Variants in KCTD1 observed in about 807,000 individuals in gnomAD.
The protein encoded by KCTD1 is potassium channel tetramerization domain containing 1.
In KCTD1, 24 loss-of-function variants were observed where a neutral mutation model predicts 66.0. That is an observed-to-expected ratio of 0.36 (90% CI 0.26 to 0.51). The LOEUF (loss-of-function observed/expected upper bound fraction) is 0.51. KCTD1 is among the 20% of genes least tolerant of loss of function. KCTD1 has a pLI of 0.95. For missense variants in KCTD1, 943 were observed against 1,205.2 expected (o/e 0.78, Z 3.22); for synonymous variants, 511 against 517.2 (o/e 0.99, Z 0.16).
intron 3 of KCTD1, among the ~76,000 whole-genome samples, chr18:26,472,168 G>T (rs1981103649): frequency 6.6e-6 from 1 of 152,026 alleles, no homozygotes. Flanking sequence ...TCATTTTTGG[G>T]CATCTAAAGT....
intron 1 of KCTD1, among the ~76,000 whole-genome samples, chr18:26,605,937 C>G (rs1237647287): frequency 2.0e-5 from 3 of 152,118 alleles, no homozygotes; most frequent in Non-Finnish European, 4.4e-5. Context: ...TCAAGAAGTC[C>G]TGACAACATG....
At chr18:26,557,393 A>C (rs966762568) in intron 1 of KCTD1, among the ~76,000 whole-genome samples, 2 of 152,216 alleles carry the variant, frequency 1.3e-5, no homozygotes, top group Non-Finnish European at 2.9e-5. Context: ...ACCATGCTTT[A>C]GTGGTCAACA....
upstream of KCTD1, among the ~76,000 whole-genome samples, chr18:26,553,216 C>T (rs950153578): frequency 6.6e-6 from 1 of 152,082 alleles, no homozygotes; most frequent in Admixed American, 6.5e-5. Context: ...TCTTGAGCTC[C>T]TGGTCTCAAG....
At chr18:26,629,588 G>A (rs574828905), upstream of KCTD1, among the ~76,000 whole-genome samples, 12 of 152,160 alleles carry the variant, frequency 7.9e-5, no homozygotes, top group Non-Finnish European at 1.5e-4. Context: ...TGGACCCTGC[G>A]AAAGGGACAT....
intron 1 of KCTD1, among the ~76,000 whole-genome samples, chr18:26,527,029 GTTTT>G (rs754533195): frequency 1.6e-4 from 24 of 152,116 alleles, no homozygotes; most frequent in Middle Eastern, 3.2e-3. Context: ...CAAACTACCT[GTTTT>G]TAACTTCCCT....
Position 26,547,958 on chromosome 18 carries a change from G to A in KCTD1, c.579C>T (p.Ser193=). 6.5e-7 allele frequency: 1 copy of A among 1,541,988 alleles called. No individual in the cohort carries two copies. The highest frequency in any genetic ancestry group is 8.7e-7 in the Non-Finnish European group (1 of 1,146,344). Residue 193 remains serine (S), a synonymous_variant, in exon 1 of 5, where the codon AGC becomes AGT. Transcript: ENST00000580059. The part of the protein sequence containing the change: ...FREYLSEKAQ[S]PDFETMDKGA... ...CCTTGTCCATGGTCTCGAAGTCCGG[G>A]CTCTGCGCCTTCTCGCTCAGGTACT...
chr18:26,619,250 T>C (rs1490329888), intron 1 of KCTD1, among the ~76,000 whole-genome samples: 3 of 152,364 alleles, frequency 2.0e-5, no homozygotes, highest in Non-Finnish European at 4.4e-5. Context: ...TACTTCCTGC[T>C]ACAGTGTGTC....
In KCTD1 at chr18:26,532,261, C is replaced by CTTTCTTTTTTTTTTTTTTTT. The variant is rs1394278500; in HGVS notation, c.1809+14466_1809+14467insAAAAAAAAAAAAAAAAGAAA. On this transcript the variant is annotated intron_variant, in intron 1 of 4. Coordinates refer to ENST00000580059, the MANE Select transcript of KCTD1 (RefSeq NM_001142730.3). The stretch of plus-strand genomic sequence containing the variant: ...CTTTTTCTTTTTCTTTTCTTTCCTT[C>CTTTCTTTTTTTTTTTTTTTT]TTTTTTTTTTTTTTTTTTTTTTTTT... Among the ~76,000 whole-genome samples the CTTTCTTTTTTTTTTTTTTTT allele has an allele frequency of 1.7e-4, 5 of 29,558 alleles. 1 individual carries two copies. The highest frequency in any genetic ancestry group is 3.2e-4 in the African/African-American group (5 of 15,388). The allele number at this position is 29,558 out of a possible 152,430, so 19.4% of individuals were successfully genotyped here.
chr18:26,480,932 A>C (rs1981615278), intron 2 of KCTD1, among the ~76,000 whole-genome samples: 1 of 152,206 alleles, frequency 6.6e-6, no homozygotes, highest in Non-Finnish European at 1.5e-5. Flanking sequence ...GAATGGTCTT[A>C]AGTCAAAGAG....
At chr18:26,633,975 C>A (rs77279998), upstream of KCTD1, among the ~76,000 whole-genome samples, 900 of 152,216 alleles carry the variant, frequency 5.9e-3, 24 homozygotes, top group East Asian at 0.1. Context: ...TACAACGGAC[C>A]ACTCAGCAAT....
chr18:26,623,716 C>T (rs1023515442), intron 1 of KCTD1, among the ~76,000 whole-genome samples: 3 of 152,076 alleles, frequency 2.0e-5, no homozygotes, highest in Non-Finnish European at 4.4e-5. Flanking sequence ...AAATTGGTAC[C>T]AGTAGAGTGG....
At chr18:26,533,357 T>G (rs776886375) in intron 1 of KCTD1, among the ~76,000 whole-genome samples, 2 of 152,236 alleles carry the variant, frequency 1.3e-5, no homozygotes, top group Non-Finnish European at 2.9e-5. Flanking sequence ...GTATTTTATT[T>G]CAGTCAAGTA....
chr18:26,657,416 CCCTTTTCCGATTTCTCTCCCA>C (rs1401408107), upstream of KCTD1: 1 of 985,166 alleles, frequency 1.0e-6, no homozygotes, highest in Non-Finnish European at 1.2e-6. Flanking sequence ...TTCCTCTCCC[CCCTTTTCCGATTTCTCTCCCA>C]GCGATCTGCT....
chr18:26,652,270 G>A (rs1485034711), intron 1 of KCTD1, among the ~76,000 whole-genome samples: 1 of 152,176 alleles, frequency 6.6e-6, no homozygotes, highest in East Asian at 1.9e-4. Flanking sequence ...TAGAGAAAAA[G>A]GAATAGGCCA....
chr18:26,457,962 TC>T (rs2144526009), intron 4 of KCTD1: 1 of 152,396 alleles, frequency 6.6e-6, no homozygotes, highest in African/African-American at 2.4e-5. Context: ...GGCCTTCCTG[TC>T]CTGGCTCTGA....
chr18:26,486,469 G>A (rs944720355), intron 2 of KCTD1, among the ~76,000 whole-genome samples: 1 of 152,176 alleles, frequency 6.6e-6, no homozygotes, highest in African/African-American at 2.4e-5. Flanking sequence ...GTTACAGAAC[G>A]AACTCTTTTG....
chr18:26,563,878 T>A lies in KCTD1; in HGVS notation c.-15-62628A>T, dbSNP rs6650685. Among the ~76,000 whole-genome samples the A allele has an allele frequency of 1.8e-3, 272 of 152,300 alleles. 6 individuals carry two copies. The highest frequency in any genetic ancestry group is 6.2e-3 in the African/African-American group (259 of 41,564). On this transcript the variant is annotated intron_variant, in intron 1 of 4. Transcript: ENST00000317932. ...AACCACTGAATTGTGAGTCTTCCAGTCTTAGCTCAAGTCCTCTGAGGCACC... is the reference window on the plus strand; with the variant it reads ...AACCACTGAATTGTGAGTCTTCCAGACTTAGCTCAAGTCCTCTGAGGCACC...
At chr18:26,539,505 TTAA>T (rs751250223) in intron 1 of KCTD1, among the ~76,000 whole-genome samples, 23 of 152,314 alleles carry the variant, frequency 1.5e-4, no homozygotes, top group Non-Finnish European at 2.1e-4. Flanking sequence ...TTCATTATTA[TTAA>T]TGTTAATGAT....
At chr18:26,617,603 T>G (rs982218624) in intron 1 of KCTD1, among the ~76,000 whole-genome samples, 9 of 152,200 alleles carry the variant, frequency 5.9e-5, no homozygotes, top group African/African-American at 2.2e-4. Context: ...CCAACAATAT[T>G]GTTTTAATGC....
Sources: gnomAD v4.1 joint callset for allele counts (sites outside exome capture counted in the v4.1 genomes callset) on GRCh38, gnomAD v4.1.1 for gene constraint, MANE v1.5 for transcripts, NCBI Gene and HGNC (gene_info 2026-07-23, HGNC 2026-07-21) for gene names.